The following EVL variants were observed in gnomAD, a reference collection of about 807,000 sequenced individuals.
EVL encodes the protein Enah/Vasp-like.
A neutral mutation model predicts 59.6 loss-of-function variants in EVL; 21 were observed. That is an observed-to-expected ratio of 0.35 (90% CI 0.25 to 0.51). EVL has a LOEUF of 0.51. Among genes scored for constraint, EVL ranks in the 20% least tolerant of loss-of-function variants. The pLI is 0.97. For synonymous variants in EVL, 198 were observed against 203.5 expected, an observed-to-expected ratio of 0.97 and a Z score of 0.23; for missense variants, 462 against 546.6, an observed-to-expected ratio of 0.85 and a Z score of 1.54.
intron 1 of EVL, among the ~76,000 whole-genome samples, chr14:100,034,904 A>G (rs1241334489): frequency 6.6e-6 from 1 of 152,206 alleles, no homozygotes; most frequent in African/African-American, 2.4e-5. Context: ...GAGGAAAAGT[A>G]TGATTATATA....
intron 2 of EVL, among the ~76,000 whole-genome samples, chr14:100,088,410 G>A (rs757603679): frequency 2.6e-5 from 4 of 152,166 alleles, no homozygotes; most frequent in East Asian, 3.9e-4. Context: ...TACATCCTGA[G>A]AAATGCGCCC....
intron 1 of EVL, among the ~76,000 whole-genome samples, chr14:99,994,279 G>T (rs2060897668): frequency 6.6e-6 from 1 of 151,854 alleles, no homozygotes; most frequent in Non-Finnish European, 1.5e-5. Context: ...AGTAATTACT[G>T]ATTGGGAAGG....
At position 100,143,681 on chromosome 14, in the gene EVL, C is replaced by T. The variant is rs761728675; in HGVS notation, c.1220-20C>T. 1.5e-5 allele frequency: 24 copies of T among 1,611,068 alleles called. No homozygotes were observed. Among genetic ancestry groups the T allele is most frequent in the East Asian group, 6.7e-5 (3 of 44,884 alleles). On this transcript the variant is annotated intron_variant, in intron 13 of 13. Transcript: ENST00000392920. Reference sequence around the variant, plus strand: ...GCACTGGTCATGGCTGCACCTGAGCCGCCGCCACCTGTCCCGCAGCCATCA... The same window carrying T: ...GCACTGGTCATGGCTGCACCTGAGCTGCCGCCACCTGTCCCGCAGCCATCA...
chr14:100,077,202 T>G (rs1186922157), intron 1 of EVL, among the ~76,000 whole-genome samples: 1 of 152,036 alleles, frequency 6.6e-6, no homozygotes, highest in African/African-American at 2.4e-5. Flanking sequence ...GCTAGGAGGC[T>G]GTGGTCTAAA....
At chr14:100,011,208 AAG>A (rs1448630331) in intron 1 of EVL, among the ~76,000 whole-genome samples, 1 of 152,232 alleles carries the variant, frequency 6.6e-6, no homozygotes, top group Non-Finnish European at 1.5e-5. Flanking sequence ...AAAAGGCAAA[AAG>A]ATTATTGTGT....
rs1566737766 is a variant in EVL, at chr14:100,143,882, C to T, written c.*144C>T. 3.2e-6 allele frequency: 3 copies of T among 948,172 alleles called. No homozygotes were observed. 58.7% of individuals were successfully genotyped at this position (948,172 alleles called of 1,614,324 possible). A position where few individuals can be genotyped will look rare whatever the true frequency, so the allele number is the denominator to read the frequency against. ...TGTGAAACGTCCTGACCTGTGATCA[C>T]ACATGACAGTGAGGAAACCAAGTGC... On this transcript the variant is annotated 3_prime_UTR_variant, in exon 14 of 14. Coordinates refer to ENST00000392920, the MANE Select transcript of EVL (RefSeq NM_016337.3).
chr14:100,029,599 G>A (rs1322404650), intron 1 of EVL, among the ~76,000 whole-genome samples: 1 of 152,200 alleles, frequency 6.6e-6, no homozygotes, highest in Non-Finnish European at 1.5e-5. Context: ...ATAACGTGCT[G>A]TGGCCGGGAG....
intron 1 of EVL, among the ~76,000 whole-genome samples, chr14:100,078,026 G>A (rs187288013): frequency 3.3e-5 from 5 of 152,160 alleles, no homozygotes; most frequent in African/African-American, 9.6e-5. Flanking sequence ...CGCCCGCCTT[G>A]GCCTCCCAAA....
At chr14:100,098,681 T>C (rs1885986921) in intron 3 of EVL, among the ~76,000 whole-genome samples, 2 of 152,206 alleles carry the variant, frequency 1.3e-5, no homozygotes, top group Non-Finnish European at 2.9e-5. Flanking sequence ...GACTGGGTTA[T>C]GGTCCTGCCA....
At chr14:100,107,499 G>A in intron 3 of EVL, 1 of 393,506 alleles carries the variant, frequency 2.5e-6, no homozygotes, top group Non-Finnish European at 4.5e-6. Context: ...GGACAAGTCT[G>A]AGCAGAACCA....
intron 1 of EVL, among the ~76,000 whole-genome samples, chr14:100,077,595 A>T (rs1230389098): frequency 1.3e-5 from 2 of 152,134 alleles, no homozygotes; most frequent in African/African-American, 4.8e-5. Flanking sequence ...GAGACGTGAA[A>T]GCGAATGGTC....
At chr14:99,980,498 G>A (rs945329003) in intron 1 of EVL, among the ~76,000 whole-genome samples, 3 of 152,320 alleles carry the variant, frequency 2.0e-5, no homozygotes, top group Admixed American at 6.5e-5. Flanking sequence ...GCCAAGAACC[G>A]CTTCATCTGG....
intron 1 of EVL, among the ~76,000 whole-genome samples, chr14:100,010,817 A>G (rs1193803264): frequency 6.6e-6 from 1 of 152,206 alleles, no homozygotes; most frequent in Non-Finnish European, 1.5e-5. Flanking sequence ...AATTACGGTT[A>G]ATTATGGCAA....
At chr14:100,073,913 T>C (rs963633407) in intron 1 of EVL, among the ~76,000 whole-genome samples, 2 of 151,608 alleles carry the variant, frequency 1.3e-5, no homozygotes, top group Non-Finnish European at 2.9e-5. Context: ...TGGTAAGTGT[T>C]CTGCAGAAAA....
In EVL at chr14:100,137,755, AAAGAGCCCCGAAGCT is replaced by A. The variant is rs1420601792; in HGVS notation, c.1057_1071del (p.Glu353_Pro357del). Reference sequence around the variant, plus strand: ...ATTGCCGTAGAACCCCGTCTGTGGCAAAGAGCCCCGAAGCTAAGAGCCCCCTTCAGTCGCAGCCTC... The same window carrying A: ...ATTGCCGTAGAACCCCGTCTGTGGCAAAGAGCCCCCTTCAGTCGCAGCCTC... On this transcript the variant is annotated inframe_deletion, in exon 11 of 14. Coordinates refer to ENST00000392920, the MANE Select transcript of EVL (RefSeq NM_016337.3). 7 of 1,614,086 alleles carry A rather than the reference AAAGAGCCCCGAAGCT, an allele frequency of 4.3e-6. No individual in the cohort carries two copies. Among genetic ancestry groups the A allele is most frequent in the South Asian group, 3.3e-5 (3 of 91,086 alleles).
At chr14:100,004,255 C>T (rs530530012) in intron 1 of EVL, among the ~76,000 whole-genome samples, 1 of 152,068 alleles carries the variant, frequency 6.6e-6, no homozygotes, top group East Asian at 1.9e-4. Flanking sequence ...CAGGCCACAA[C>T]AAACAGAACT....
In EVL at chr14:100,132,879, G is replaced by A. The variant is rs1888526618; in HGVS notation, c.900+100G>A. On this transcript the variant is annotated intron_variant, in intron 8 of 13. Transcript: ENST00000392920. ...AGGCGAGGCCTTTGGGACATGCGTGGGATGGGCGCTTCATCAGGTGATTCA... is the reference window on the plus strand; with the variant it reads ...AGGCGAGGCCTTTGGGACATGCGTGAGATGGGCGCTTCATCAGGTGATTCA... 3.8e-6 allele frequency: 5 copies of A among 1,310,752 alleles called. No homozygotes were observed. The South Asian group carries it at 4.7e-5, about 12-fold the overall frequency. 81.2% of individuals were successfully genotyped at this position (1,310,752 alleles called of 1,614,324 possible).
chr14:100,044,414 G>A (rs2061516831), intron 1 of EVL, among the ~76,000 whole-genome samples: 1 of 152,124 alleles, frequency 6.6e-6, no homozygotes, highest in South Asian at 2.1e-4. Context: ...ATAACAACGA[G>A]AACAATAAAC....
At chr14:99,995,303 G>T (rs1333493318) in intron 1 of EVL, among the ~76,000 whole-genome samples, 1 of 152,032 alleles carries the variant, frequency 6.6e-6, no homozygotes, top group East Asian at 1.9e-4. Flanking sequence ...GTTCTTTGAG[G>T]TTCTCTTCAC....
Sources: allele counts gnomAD v4.1 joint callset (sites outside exome capture counted in the v4.1 genomes callset), GRCh38; gene constraint gnomAD v4.1.1; transcripts MANE v1.5; gene names NCBI Gene and HGNC (gene_info 2026-07-23, HGNC 2026-07-21).